TGFBR3: variants seen among roughly 807,000 people sequenced by gnomAD.
TGFBR3 encodes transforming growth factor beta receptor 3.
Under a neutral mutation model 87.9 loss-of-function variants are expected in TGFBR3, and 46 were observed. The ratio of observed to expected loss-of-function variants is 0.52; its 90% CI spans 0.41 to 0.67. The LOEUF (loss-of-function observed/expected upper bound fraction) is 0.67, where lower values mean the gene tolerates loss of function less well. Among genes scored for constraint, TGFBR3 ranks in the 30% least tolerant of loss-of-function variants. The probability of loss-of-function intolerance (pLI) is 0.00; values close to 1 mark genes in which losing one functional copy is unlikely to be tolerated. For missense variants in TGFBR3, 866 were observed against 1,041.9 expected, an observed-to-expected ratio of 0.83 and a Z score of 2.32; for synonymous variants, 381 against 391.6, an observed-to-expected ratio of 0.97 and a Z score of 0.32.
At chr1:91,800,784 G>A (rs1034033364) in intron 2 of TGFBR3, among the ~76,000 whole-genome samples, 9 of 151,956 alleles carry the variant, frequency 5.9e-5, no homozygotes, top group African/African-American at 1.7e-4. Flanking sequence ...AGCATACAAC[G>A]TAATAAGAGA....
At chr1:91,781,520 T>C (rs1399368593) in intron 3 of TGFBR3, among the ~76,000 whole-genome samples, 1 of 152,158 alleles carries the variant, frequency 6.6e-6, no homozygotes, top group African/African-American at 2.4e-5. Context: ...GCAAGTGGGC[T>C]CATTACTCAG....
intron 1 of TGFBR3, among the ~76,000 whole-genome samples, chr1:91,884,745 G>A (rs148560735): frequency 1.3e-5 from 2 of 152,202 alleles, no homozygotes; most frequent in Non-Finnish European, 2.9e-5. Context: ...CTTAGAAAAC[G>A]TTAGCTGTTA....
At chr1:91,833,980 T>C (rs1676962490) in intron 2 of TGFBR3, among the ~76,000 whole-genome samples, 1 of 152,210 alleles carries the variant, frequency 6.6e-6, no homozygotes, top group Non-Finnish European at 1.5e-5. Context: ...ACTCTACACA[T>C]ATTTTCTACA....
At chr1:91,874,693 C>T (rs991835931) in intron 1 of TGFBR3, among the ~76,000 whole-genome samples, 2 of 151,986 alleles carry the variant, frequency 1.3e-5, no homozygotes, top group African/African-American at 4.8e-5. Context: ...CGGGGTTTCA[C>T]CATGCTGGCC....
At chr1:91,791,253 C>T (rs1026590418) in intron 3 of TGFBR3, among the ~76,000 whole-genome samples, 11 of 152,092 alleles carry the variant, frequency 7.2e-5, no homozygotes, top group African/African-American at 2.2e-4. Context: ...TGTGTGAACA[C>T]AGCTGAAGGC....
intron 7 of TGFBR3, among the ~76,000 whole-genome samples, chr1:91,723,398 C>A (rs1221244739): frequency 1.3e-5 from 2 of 148,534 alleles, no homozygotes; most frequent in East Asian, 4.0e-4. Flanking sequence ...GGAGGATCAC[C>A]TGAGCCCGTG....
intron 3 of TGFBR3, among the ~76,000 whole-genome samples, chr1:91,776,596 G>A (rs1424571042): frequency 6.6e-6 from 1 of 152,148 alleles, no homozygotes; most frequent in African/African-American, 2.4e-5. Flanking sequence ...TAAAATGCCA[G>A]GTTTTGTAAT....
intron 1 of TGFBR3, among the ~76,000 whole-genome samples, chr1:91,871,252 A>C (rs778538469): frequency 1.3e-5 from 2 of 152,162 alleles, no homozygotes; most frequent in Non-Finnish European, 2.9e-5. Context: ...CTGCATGGAC[A>C]CTCACTTTCT....
intron 2 of TGFBR3, among the ~76,000 whole-genome samples, chr1:91,828,852 C>G (rs1676743387): frequency 6.6e-6 from 1 of 152,138 alleles, no homozygotes. Flanking sequence ...TCTAGTCAGA[C>G]CAGGAAGAGC....
In TGFBR3 at chr1:91,680,622, CTG is replaced by C. The variant is rs1557651328; in HGVS notation, c.*3115_*3116del. 2 of 454,000 alleles carry C rather than the reference CTG, an allele frequency of 4.4e-6. No individual in the cohort carries two copies. Among genetic ancestry groups the C allele is most frequent in the South Asian group, 3.1e-5 (2 of 64,470 alleles). 28.1% of individuals were successfully genotyped at this position (454,000 alleles called of 1,614,324 possible). A position where few individuals can be genotyped will look rare whatever the true frequency, so the allele number is the denominator to read the frequency against. On this transcript the variant is annotated 3_prime_UTR_variant, in exon 17 of 17. Transcript: ENST00000212355. ...ATAATAGTCCTTTTTAGAAAAACAT[CTG>C]TCAGTTTCATGAACAACCCCCAGAT... is the stretch of plus-strand genomic sequence containing the variant.
chr1:91,850,866 C>T (rs1392573961), intron 2 of TGFBR3, among the ~76,000 whole-genome samples: 1 of 151,232 alleles, frequency 6.6e-6, no homozygotes. Flanking sequence ...GCCTATGCTA[C>T]CTGTGTATCC....
chr1:91,718,566 T>G (rs1672256428), intron 10 of TGFBR3, among the ~76,000 whole-genome samples: 1 of 151,500 alleles, frequency 6.6e-6, no homozygotes, highest in South Asian at 2.1e-4. Context: ...AATCAGCACT[T>G]TAAAGTTCTT....
At chr1:91,830,663 C>T (rs955748070) in intron 2 of TGFBR3, among the ~76,000 whole-genome samples, 1 of 152,098 alleles carries the variant, frequency 6.6e-6, no homozygotes, top group African/African-American at 2.4e-5. Context: ...GCCAGATACA[C>T]AAGTGATTTC....
intron 4 of TGFBR3, among the ~76,000 whole-genome samples, chr1:91,738,970 G>A (rs1013854440): frequency 6.6e-6 from 1 of 152,198 alleles, no homozygotes; most frequent in African/African-American, 2.4e-5. Context: ...TCAGGGCAAG[G>A]AGCATTCACA....
intron 2 of TGFBR3, among the ~76,000 whole-genome samples, chr1:91,837,570 C>T (rs1312392590): frequency 2.6e-5 from 4 of 152,002 alleles, no homozygotes; most frequent in Admixed American, 1.3e-4. Context: ...ATATGCAACC[C>T]GAGTCTACTT....
At chr1:91,875,792 G>GT (rs1278963893) in intron 1 of TGFBR3, among the ~76,000 whole-genome samples, 2 of 57,800 alleles carry the variant, frequency 3.5e-5, no homozygotes, top group Non-Finnish European at 8.2e-5. Context: ...GGCGGGGGGG[G>GT]GGGGTGGGAG....
intron 4 of TGFBR3, among the ~76,000 whole-genome samples, chr1:91,740,158 C>T (rs1046878898): frequency 1.2e-4 from 19 of 152,240 alleles, no homozygotes; most frequent in African/African-American, 4.3e-4. Context: ...CTCCCAGGTT[C>T]AAGAGATTAT....
intron 6 of TGFBR3, 27 bp from the exon 7 acceptor site, chr1:91,727,833 T>C (rs1165712830): frequency 1.2e-6 from 2 of 1,612,796 alleles, no homozygotes; most frequent in South Asian, 1.1e-5. Flanking sequence ...AAGGCAAAGT[T>C]AAGACCTACA....
chr1:91,827,286 A>T (rs1032830670), intron 2 of TGFBR3, among the ~76,000 whole-genome samples: 1 of 152,162 alleles, frequency 6.6e-6, no homozygotes, highest in Non-Finnish European at 1.5e-5. Context: ...TACGACATGG[A>T]ATGGTACTGG....
Sources: gnomAD v4.1 joint callset for allele counts (sites outside exome capture counted in the v4.1 genomes callset) on GRCh38, gnomAD v4.1.1 for gene constraint, MANE v1.5 for transcripts, NCBI Gene and HGNC (gene_info 2026-07-23, HGNC 2026-07-21) for gene names.